The following DNAH1 variants were observed in gnomAD, a reference collection of about 807,000 sequenced individuals.
DNAH1 encodes axonemal beta dynein heavy chain 1.
DNAH1 carries 327 observed loss-of-function variants against 484.3 expected under a neutral mutation model. The observed-to-expected ratio is 0.68, with a 90% CI of 0.62 to 0.74. The LOEUF is 0.74. Among genes scored for constraint, DNAH1 ranks in the 30% least tolerant of loss-of-function variants. The pLI is 0.00. For missense variants in DNAH1, 5,052 were observed against 5,546.8 expected, an observed-to-expected ratio of 0.91 and a Z score of 2.83; for synonymous variants, 2,192 against 2,191.9, an observed-to-expected ratio of 1.00 and a Z score of 0.00.
intron 2 of DNAH1, 123 bp downstream of exon 2, chr3:52,322,898 CATCT>C (rs1391097247): frequency 3.4e-5 from 31 of 903,652 alleles, no homozygotes; most frequent in Non-Finnish European, 5.3e-5. Context: ...TCGATCTATC[CATCT>C]GTCTTTCTAT....
chr3:52,341,891 A>G (rs1248707078), intron 8 of DNAH1, among the ~76,000 whole-genome samples: 1 of 152,198 alleles, frequency 6.6e-6, no homozygotes, highest in Non-Finnish European at 1.5e-5. Context: ...CACTGGGTAC[A>G]GAGGAGTGAA....
At chr3:52,345,066 A>G (rs1702089891) in intron 9 of DNAH1, among the ~76,000 whole-genome samples, 1 of 152,190 alleles carries the variant, frequency 6.6e-6, no homozygotes, top group African/African-American at 2.4e-5. Flanking sequence ...TCCTAGACTC[A>G]GCTTCCTGCA....
intron 34 of DNAH1, among the ~76,000 whole-genome samples, chr3:52,366,253 CAG>C (rs1417641156): frequency 1.3e-5 from 2 of 152,232 alleles, no homozygotes; most frequent in East Asian, 1.9e-4. Context: ...CTAGCATTTA[CAG>C]AGTTTCTACT....
rs1005426160 is a variant in DNAH1, at chr3:52,395,196, G to A, written c.10969-112G>A. ...GCTCCCTAAAGGCTCTGAGGTTCCA[G>A]CCCCCACCAGGAAGCCCACTGGGGA... On this transcript the variant is annotated intron_variant, in intron 68 of 77. Coordinates refer to ENST00000420323, the MANE Select transcript of DNAH1 (RefSeq NM_015512.5). This position sits in a 1 kb window ranked among gnomAD's most constrained non-coding sequence, Gnocchi z 4.4. 8.0e-6 allele frequency: 12 copies of A among 1,491,528 alleles called. No individual in the cohort carries two copies. The highest frequency in any genetic ancestry group is 1.4e-5 in the African/African-American group (1 of 71,658). 92.4% of individuals were successfully genotyped at this position (1,491,528 alleles called of 1,614,324 possible). A position where few individuals can be genotyped will look rare whatever the true frequency, so the allele number is the denominator to read the frequency against.
At position 52,386,785 on chromosome 3, in the gene DNAH1, T is replaced by G; in HGVS notation, c.8935T>G (p.Trp2979Gly). ...GCCAGGCACCAAGGTGGATGACTACTGGGAGCCTGGCAAGGGGCTGCTGCA... is the reference window on the plus strand; with the variant it reads ...GCCAGGCACCAAGGTGGATGACTACGGGGAGCCTGGCAAGGGGCTGCTGCA... ...EKPGTKVDDY[W>G]EPGKGLLQDP... Residue 2979 changes from tryptophan to glycine, a missense_variant, in exon 56 of 78, where the codon TGG becomes GGG. Transcript: ENST00000420323. The G allele has an allele frequency of 6.3e-7, 1 of 1,591,492 alleles. No homozygotes were observed.
Position 52,399,031 on chromosome 3 carries a change from A to G in DNAH1, c.12271A>G (p.Met4091Val), listed in dbSNP as rs1226318352. 1.2e-6 allele frequency: 2 copies of G among 1,614,052 alleles called. No homozygotes were observed. Among genetic ancestry groups the G allele is most frequent in the Non-Finnish European group, 1.7e-6 (2 of 1,179,894 alleles). Residue 4091 changes from methionine (M) to valine (V), a missense_variant, in exon 76 of 78, where the codon ATG becomes GTG. Physicochemically the swap from Met to Val is conservative, Grantham distance 21. This residue lies in a region of DNAH1 where 853 missense variants were observed against 899.0 expected (regional missense o/e 0.95). Transcript: ENST00000420323. ...GCTCAAGCCTCTGTCATCATGGGTC[A>G]TGGACCTGCTGCAACGCCTGGACTT... ...PSLKPLSSWV[M>V]DLLQRLDFLQ...
At chr3:52,350,309 C>T (rs1702322411) in intron 15 of DNAH1, among the ~76,000 whole-genome samples, 199 bp from the exon 16 acceptor site, 1 of 152,100 alleles carries the variant, frequency 6.6e-6, no homozygotes, top group Non-Finnish European at 1.5e-5. Flanking sequence ...GAGCTGGAAG[C>T]TGGAGGTGTG....
In DNAH1 at chr3:52,357,888, C is replaced by T. The variant is rs1047001807; in HGVS notation, c.3981-10C>T. The T allele has an allele frequency of 3.1e-6, 5 of 1,611,402 alleles. No homozygotes were observed. The highest frequency in any genetic ancestry group is 4.2e-6 in the Non-Finnish European group (5 of 1,178,766). On this transcript the variant is annotated splice_polypyrimidine_tract_variant and intron_variant, in intron 23 of 77. Coordinates refer to ENST00000420323, the MANE Select transcript of DNAH1 (RefSeq NM_015512.5). ...CACGACCCGCTTCCTCACCCCTGTTCCCCTGGCAGATTCTACTTCCTGTCA... is the reference window on the plus strand; with the variant it reads ...CACGACCCGCTTCCTCACCCCTGTTTCCCTGGCAGATTCTACTTCCTGTCA...
rs767712789 is a variant in DNAH1 at position 52,370,788 on chromosome 3, C to A, written c.6488C>A (p.Thr2163Asn). The part of the protein sequence containing the change: ...YRLEDAGISG[T>N]NDSEDEEEEY... ...CTGGAGGACGCGGGCATCAGTGGCA[C>A]CAACGACAGTGAGGATGAAGAGGAG... The change falls in exon 41 of 78, where the codon ACC becomes AAC. Residue 2163 changes from threonine (T) to asparagine (N), a missense_variant. By Grantham distance (65) the Thr-to-Asn change is moderately conservative (BLOSUM62 0). Coordinates refer to ENST00000420323, the MANE Select transcript of DNAH1 (RefSeq NM_015512.5). 1.9e-6 allele frequency: 3 copies of A among 1,606,650 alleles called. No homozygotes were observed. The highest frequency in any genetic ancestry group is 4.5e-5 in the East Asian group (2 of 44,612).
In DNAH1 at chr3:52,363,274, C is replaced by A. The variant is rs1471532319; in HGVS notation, c.5244+130C>A. 18 of 1,238,684 alleles carry A rather than the reference C, an allele frequency of 1.5e-5. No homozygotes were observed. In the South Asian group the frequency reaches 2.5e-4, roughly 17 times the overall value. 76.7% of individuals were successfully genotyped at this position (1,238,684 alleles called of 1,614,324 possible). On this transcript the variant is annotated intron_variant, in intron 32 of 77. Transcript: ENST00000420323. ...GCATTACCTTGTCGGCTTCTCCCAG[C>A]AACCCTTGGAGATAGGAGTTACATG... is the stretch of plus-strand genomic sequence containing the variant.
rs191711814 is a variant in DNAH1 at position 52,390,024 on chromosome 3, G to C, written c.9621+438G>C. 5.6e-4 allele frequency among the ~76,000 whole-genome samples: 85 copies of C among 152,070 alleles called. 1 individual carries two copies. The highest frequency in any genetic ancestry group is 1.2e-3 in the Admixed American group (19 of 15,294). ...AATCCCAGCTACTCAGGAGGCTGAG[G>C]CAGGAGAATTGGCTTGAACCCAGGA... On this transcript the variant is annotated intron_variant, in intron 60 of 77. Coordinates refer to ENST00000420323, the MANE Select transcript of DNAH1 (RefSeq NM_015512.5).
Position 52,361,132 on chromosome 3 carries a change from CG to C in DNAH1, c.4686-30del. On this transcript the variant is annotated intron_variant, in intron 28 of 77. Transcript: ENST00000420323. This position sits in a 1 kb window ranked among gnomAD's most constrained non-coding sequence, Gnocchi z 5.6. ...AAAGGGGGAGTGTCCAGGCCATGTG[CG>C]GCCCGAGCCCACCTCCTCTGTCTCC... 3 of 1,497,176 alleles carry C rather than the reference CG, an allele frequency of 2.0e-6. No homozygotes were observed. Among genetic ancestry groups the C allele is most frequent in the Non-Finnish European group, 2.7e-6 (3 of 1,124,166 alleles). The allele number at this position is 1,497,176 out of a possible 1,614,324, so 92.7% of individuals were successfully genotyped here. A position where few individuals can be genotyped will look rare whatever the true frequency, so the allele number is the denominator to read the frequency against.
chr3:52,351,924 G>A (rs959130909), intron 16 of DNAH1, 38 bp from the exon 17 acceptor site: 26 of 1,584,476 alleles, frequency 1.6e-5, no homozygotes, highest in Middle Eastern at 3.7e-4. Context: ...CACTTCAGCC[G>A]CGATATTTCT....
intron 73 of DNAH1, 134 bp downstream of exon 73, chr3:52,397,178 C>A: frequency 1.1e-6 from 1 of 883,976 alleles, no homozygotes; most frequent in Non-Finnish European, 1.7e-6. Flanking sequence ...TCAGTCAATC[C>A]ATCCCATCCC....
At chr3:52,340,243 C>G (rs1317199176) in intron 8 of DNAH1, among the ~76,000 whole-genome samples, 1 of 150,554 alleles carries the variant, frequency 6.6e-6, no homozygotes, top group Non-Finnish European at 1.5e-5. Context: ...CCACCACACC[C>G]GCTATTTTTT....
chr3:52,399,561 C>A lies in DNAH1; in HGVS notation c.12458C>A (p.Pro4153Gln). The change falls in exon 77 of 78, where the codon CCA becomes CAA. Residue 4153 changes from proline to glutamine, a missense_variant. Transcript: ENST00000420323. ...TACCCACAGGTGATGTTTGAGGCAC[C>A]ATCAGAGTTAACACAAAGACCCCAA... Reference protein sequence around the residue: ...SFDFKVMFEAPSELTQRPQVG... With the variant: ...SFDFKVMFEAQSELTQRPQVG... The A allele has an allele frequency of 6.2e-7, 1 of 1,610,858 alleles. No homozygotes were observed. The highest frequency in any genetic ancestry group is 1.1e-5 in the South Asian group (1 of 90,912).
intron 25 of DNAH1, 23 bp from the exon 26 acceptor site, chr3:52,359,223 G>T (rs1430328657): frequency 5.1e-6 from 8 of 1,557,712 alleles, no homozygotes; most frequent in Non-Finnish European, 5.2e-6. Flanking sequence ...GTCCAGGTCA[G>T]CCTGCCCATG....
At chr3:52,374,094 G>T in intron 44 of DNAH1, 2 of 1,069,550 alleles carry the variant, frequency 1.9e-6, no homozygotes, top group Non-Finnish European at 2.9e-6. Flanking sequence ...CCTCAGGAGA[G>T]AGATTTTCTT....
rs774381861 is a variant in DNAH1, at chr3:52,348,950, G to A, written c.2169G>A (p.Glu723=). ...DPLLESVGLH[E]PLVEELRATI... ...TGCTGGAGTCCGTGGGCCTTCATGA[G>A]CCACTGGTGGAAGAGCTACGGGCCA... is the stretch of plus-strand genomic sequence containing the variant. Residue 723 remains glutamate (E), a synonymous_variant, in exon 13 of 78, where the codon GAG becomes GAA. Transcript: ENST00000420323. 5.6e-6 allele frequency: 9 copies of A among 1,613,380 alleles called. No homozygotes were observed. Among genetic ancestry groups the A allele is most frequent in the Non-Finnish European group, 6.8e-6 (8 of 1,179,906 alleles).
Sources: gnomAD v4.1 joint callset for allele counts (sites outside exome capture counted in the v4.1 genomes callset) on GRCh38, gnomAD v4.1.1 for gene constraint, gnomAD v4.1.1 regional missense constraint, Gnocchi (gnomAD v3.1) non-coding constraint, MANE v1.5 for transcripts, NCBI Gene and HGNC (gene_info 2026-07-23, HGNC 2026-07-21) for gene names.